The following RAB27A variants were observed in gnomAD, a reference collection of about 807,000 sequenced individuals.
RAB27A encodes RAB27A, member RAS oncogene family.
Under a neutral mutation model 20.8 loss-of-function variants are expected in RAB27A, and 17 were observed. The observed-to-expected ratio is 0.82, with a 90% CI of 0.56 to 1.23. The LOEUF is 1.23. Among genes scored for constraint, RAB27A ranks in the 50% most tolerant of loss-of-function variants. RAB27A has a pLI of 0.00. For synonymous variants in RAB27A, 85 were observed against 92.8 expected (o/e 0.92, Z 0.48); for missense variants, 277 against 266.7 (o/e 1.04, Z -0.27).
intron 6 of RAB27A, among the ~76,000 whole-genome samples, chr15:55,209,935 T>C (rs573825666): frequency 8.0e-6 from 1 of 125,038 alleles, no homozygotes; most frequent in South Asian, 2.4e-4. Flanking sequence ...CATATATGTA[T>C]GTACATGTAC....
intron 2 of RAB27A, among the ~76,000 whole-genome samples, chr15:55,259,362 T>C (rs1223419001): frequency 6.6e-6 from 1 of 152,074 alleles, no homozygotes; most frequent in Non-Finnish European, 1.5e-5. Flanking sequence ...CATAGCTCAC[T>C]ACAGCCTCAA....
intron 2 of RAB27A, among the ~76,000 whole-genome samples, chr15:55,253,059 G>A (rs1373449710): frequency 6.6e-6 from 1 of 151,894 alleles, no homozygotes; most frequent in African/African-American, 2.4e-5. Flanking sequence ...TTGAACCCAG[G>A]AGGCGGAGGT....
intron 3 of RAB27A, among the ~76,000 whole-genome samples, chr15:55,232,207 C>G (rs1896056190): frequency 6.6e-6 from 1 of 152,216 alleles, no homozygotes; most frequent in African/African-American, 2.4e-5. Context: ...TTAATAAACT[C>G]TCTCCACTCA....
At chr15:55,217,643 G>A (rs1360243877) in intron 6 of RAB27A, among the ~76,000 whole-genome samples, 1 of 112,136 alleles carries the variant, frequency 8.9e-6, no homozygotes, top group Non-Finnish European at 1.7e-5. Flanking sequence ...CCAGCTGGGT[G>A]ACAGAGCTAC....
At chr15:55,228,007 T>C (rs1356496340) in intron 5 of RAB27A, among the ~76,000 whole-genome samples, 1 of 152,204 alleles carries the variant, frequency 6.6e-6, no homozygotes, top group Non-Finnish European at 1.5e-5. Context: ...ACCAATCATT[T>C]AGGAGGTTAA....
At chr15:55,272,930 C>T (rs1048707383) in intron 1 of RAB27A, among the ~76,000 whole-genome samples, 1 of 152,052 alleles carries the variant, frequency 6.6e-6, no homozygotes, top group Non-Finnish European at 1.5e-5. Context: ...ATTTGGGGGA[C>T]AGTAACATAG....
rs889983478 is a variant in RAB27A at position 55,206,335 on chromosome 15, C to T, written c.468-630G>A. On this transcript the variant is annotated intron_variant, in intron 6 of 6. Coordinates refer to ENST00000336787, the MANE Select transcript of RAB27A (RefSeq NM_183235.3). Reference sequence around the variant, plus strand: ...CTGGAAGACAGAGACAGAATTAAATCTTTTTTCGTTTAAGTTTTTGGAGGG... The same window carrying T: ...CTGGAAGACAGAGACAGAATTAAATTTTTTTTCGTTTAAGTTTTTGGAGGG... 16 of 773,210 alleles carry T rather than the reference C, an allele frequency of 2.1e-5. No homozygotes were observed. In the Admixed American group the frequency reaches 1.0e-3, roughly 48 times the overall value. The allele number at this position is 773,210 out of a possible 1,614,324, so 47.9% of individuals were successfully genotyped here.
intron 6 of RAB27A, among the ~76,000 whole-genome samples, chr15:55,217,663 C>CAA (rs199813098): frequency 0.036 from 1,575 of 43,290 alleles, 179 homozygotes; most frequent in Admixed American, 0.052. Flanking sequence ...CACTCCATCT[C>CAA]AAAAAAAAAA....
intron 6 of RAB27A, among the ~76,000 whole-genome samples, chr15:55,210,081 T>C (rs535294673): frequency 1.5e-5 from 2 of 135,196 alleles, no homozygotes; most frequent in Non-Finnish European, 3.2e-5. Flanking sequence ...CATATACATA[T>C]ATACACATAT....
Position 55,205,351 on chromosome 15 carries a change from A to T in RAB27A, c.*156T>A. 1.3e-6 allele frequency: 1 copy of T among 755,782 alleles called. No homozygotes were observed. The highest frequency in any genetic ancestry group is 2.2e-6 in the Non-Finnish European group (1 of 445,192). The allele number at this position is 755,782 out of a possible 1,614,324, so 46.8% of individuals were successfully genotyped here. On this transcript the variant is annotated 3_prime_UTR_variant, in exon 7 of 7. Transcript: ENST00000336787. ...AATATTTACAAAGCTGCAACAAATT[A>T]ATTTTAGAACCGGATGCTTTATTCG...
At chr15:55,264,423 A>G (rs1566928096) in intron 2 of RAB27A, among the ~76,000 whole-genome samples, 1 of 152,174 alleles carries the variant, frequency 6.6e-6, no homozygotes, top group Non-Finnish European at 1.5e-5. Context: ...TCCAACCTCT[A>G]TAAGCTAGAA....
At chr15:55,250,327 C>A in intron 2 of RAB27A, among the ~76,000 whole-genome samples, 1 of 152,008 alleles carries the variant, frequency 6.6e-6, no homozygotes, top group East Asian at 1.9e-4. Context: ...AAGTTACATA[C>A]CAAATTTAGA....
intron 2 of RAB27A, among the ~76,000 whole-genome samples, chr15:55,254,971 CA>C (rs1341893307): frequency 2.0e-5 from 3 of 152,114 alleles, no homozygotes; most frequent in African/African-American, 2.4e-5. Flanking sequence ...AGAAAATGCA[CA>C]AAAATACGTT....
intron 2 of RAB27A, among the ~76,000 whole-genome samples, chr15:55,268,526 T>C (rs1897589098): frequency 6.6e-6 from 1 of 152,178 alleles, no homozygotes; most frequent in Admixed American, 6.5e-5. Context: ...AGGCTGTCCA[T>C]GTGTCAGGAC....
At chr15:55,231,783 A>G (rs1896039870) in intron 3 of RAB27A, among the ~76,000 whole-genome samples, 1 of 152,172 alleles carries the variant, frequency 6.6e-6, no homozygotes, top group South Asian at 2.1e-4. Context: ...CCTCACTCAA[A>G]GCTTGCTCTT....
chr15:55,247,256 G>C (rs1329118125), intron 2 of RAB27A, among the ~76,000 whole-genome samples: 6 of 152,100 alleles, frequency 3.9e-5, no homozygotes, highest in Non-Finnish European at 8.8e-5. Context: ...AAAATGAAAA[G>C]CTTTGGTTAT....
chr15:55,315,710 T>A (rs1181367749), intron 1 of RAB27A, among the ~76,000 whole-genome samples: 1 of 152,130 alleles, frequency 6.6e-6, no homozygotes, highest in Non-Finnish European at 1.5e-5. Context: ...TGAGATACCA[T>A]CTCATGCCAG....
chr15:55,252,959 C>T (rs1032886144), intron 2 of RAB27A, among the ~76,000 whole-genome samples: 1 of 151,886 alleles, frequency 6.6e-6, no homozygotes, highest in South Asian at 2.1e-4. Flanking sequence ...TGGTGAAACC[C>T]CAGCCCTACT....
intron 2 of RAB27A, among the ~76,000 whole-genome samples, chr15:55,252,922 C>G (rs1036002527): frequency 2.0e-5 from 3 of 151,460 alleles, no homozygotes; most frequent in Non-Finnish European, 2.9e-5. Flanking sequence ...ATCACGAGGT[C>G]AAGAGATCGA....
Sources: gnomAD v4.1 joint callset for allele counts (sites outside exome capture counted in the v4.1 genomes callset) on GRCh38, gnomAD v4.1.1 for gene constraint, MANE v1.5 for transcripts, NCBI Gene and HGNC (gene_info 2026-07-23, HGNC 2026-07-21) for gene names.